STK11: variants seen among roughly 807,000 people sequenced by gnomAD.
The protein encoded by STK11 is serine/threonine kinase 11, also known as serine/threonine-protein kinase STK11.
Under a neutral mutation model 47.3 loss-of-function variants are expected in STK11, and 8 were observed. The ratio of observed to expected loss-of-function variants is 0.17; its 90% CI spans 0.10 to 0.31. The LOEUF (loss-of-function observed/expected upper bound fraction) is 0.31. Among genes scored for constraint, STK11 ranks in the 10% least tolerant of loss-of-function variants. The probability of loss-of-function intolerance (pLI) is 1.00; values close to 1 mark genes in which losing one functional copy is unlikely to be tolerated. For synonymous variants in STK11, 330 were observed against 255.8 expected, an observed-to-expected ratio of 1.29 and a Z score of -2.77; for missense variants, 475 against 605.0, an observed-to-expected ratio of 0.79 and a Z score of 2.25.
chr19:1,220,982 G>A (rs2080779452), intron 5 of STK11, among the ~76,000 whole-genome samples: 1 of 152,186 alleles, frequency 6.6e-6, no homozygotes, highest in South Asian at 2.1e-4. Flanking sequence ...AGGGAAGCTG[G>A]GCGGGTGACA....
chr19:1,226,119 C>G, intron 8 of STK11: 1 of 1,152,126 alleles, frequency 8.7e-7, no homozygotes, highest in Non-Finnish European at 1.1e-6. Flanking sequence ...CAGGGGAGCA[C>G]GGGAGGGTCC....
chr19:1,221,831 C>T, intron 6 of STK11, 118 bp from the exon 7 acceptor site: 1 of 1,247,066 alleles, frequency 8.0e-7, no homozygotes, highest in South Asian at 1.3e-5. Flanking sequence ...GCGGGGTCCC[C>T]CTTAGGAGCG....
intron 1 of STK11, among the ~76,000 whole-genome samples, chr19:1,216,626 C>G (rs199680460): frequency 4.6e-5 from 7 of 151,528 alleles, no homozygotes; most frequent in Admixed American, 4.6e-4. Flanking sequence ...CAGCGTTTTC[C>G]GAGGCCGAGG....
intron 1 of STK11, among the ~76,000 whole-genome samples, chr19:1,216,974 G>T (rs2080748977): frequency 6.6e-6 from 1 of 152,038 alleles, no homozygotes; most frequent in Non-Finnish European, 1.5e-5. Flanking sequence ...GCGTGGATGG[G>T]CTGTGCTGAT....
chr19:1,213,241 C>T (rs1450196321), intron 1 of STK11, among the ~76,000 whole-genome samples: 2 of 150,604 alleles, frequency 1.3e-5, no homozygotes, highest in African/African-American at 4.9e-5. Flanking sequence ...TCGTGATCTG[C>T]CTGCCTCGGC....
chr19:1,212,892 C>T (rs903559368), intron 1 of STK11, among the ~76,000 whole-genome samples: 3 of 151,770 alleles, frequency 2.0e-5, no homozygotes, highest in African/African-American at 7.3e-5. Context: ...CTGTGTTGCC[C>T]AGGCTGGTCT....
At chr19:1,217,162 C>T (rs1274415279) in intron 1 of STK11, among the ~76,000 whole-genome samples, 1 of 152,070 alleles carries the variant, frequency 6.6e-6, no homozygotes, top group Non-Finnish European at 1.5e-5. Context: ...CAGACGCTTC[C>T]ACGCCCACCC....
In STK11 at chr19:1,206,581, G is replaced by T. The variant is rs1208293548; in HGVS notation, c.-333G>T. ...GAAAAGCCCCGGCCGGCCTCCCCAG[G>T]GTCCCCGAGGACGAAGTTGACCCTG... On this transcript the variant is annotated 5_prime_UTR_variant, in exon 1 of 10. Coordinates refer to ENST00000326873, the MANE Select transcript of STK11 (RefSeq NM_000455.5). The T allele has an allele frequency of 2.4e-5, 10 of 421,256 alleles. No individual in the cohort carries two copies. The highest frequency in any genetic ancestry group is 2.0e-4 in the East Asian group (5 of 25,376). 26.1% of individuals were successfully genotyped at this position (421,256 alleles called of 1,614,324 possible).
At chr19:1,217,503 G>A (rs1009710193) in intron 1 of STK11, among the ~76,000 whole-genome samples, 27 of 152,186 alleles carry the variant, frequency 1.8e-4, no homozygotes, top group Non-Finnish European at 3.5e-4. Context: ...GGCGGCAGCT[G>A]CAGAGGGGGC....
chr19:1,217,501 C>T (rs1189618772), intron 1 of STK11, among the ~76,000 whole-genome samples: 3 of 152,316 alleles, frequency 2.0e-5, no homozygotes, highest in Non-Finnish European at 4.4e-5. Flanking sequence ...AGGGCGGCAG[C>T]TGCAGAGGGG....
At chr19:1,207,474 C>T (rs1350444109) in intron 1 of STK11, among the ~76,000 whole-genome samples, 3 of 152,178 alleles carry the variant, frequency 2.0e-5, no homozygotes, top group Non-Finnish European at 2.9e-5. Flanking sequence ...GCGAAACCCT[C>T]CTGAGAAGGG....
chr19:1,222,676 G>GC (rs969613117), intron 7 of STK11, among the ~76,000 whole-genome samples: 1 of 152,190 alleles, frequency 6.6e-6, no homozygotes, highest in Admixed American at 6.5e-5. Context: ...TGTGCTCAGG[G>GC]CCCCCCAGAC....
In STK11 at chr19:1,206,166, T is replaced by G. The variant is rs2080663069; in HGVS notation, c.-748T>G. 1.3e-5 allele frequency: 2 copies of G among 151,066 alleles called. No individual in the cohort carries two copies. The highest frequency in any genetic ancestry group is 2.5e-5 in the African/African-American group (1 of 40,564). The allele number at this position is 151,066 out of a possible 1,614,324, so 9.4% of individuals were successfully genotyped here. On this transcript the variant is annotated 5_prime_UTR_variant, in exon 1 of 10. Transcript: ENST00000326873. Reference sequence around the variant, plus strand: ...GCCTGCCGGGCCCCGGCGACCACCTTGGGGGTCGCGGGCCGGCTCGGGGGG... The same window carrying G: ...GCCTGCCGGGCCCCGGCGACCACCTGGGGGGTCGCGGGCCGGCTCGGGGGG...
intron 8 of STK11, chr19:1,226,185 G>T: frequency 7.6e-7 from 1 of 1,322,410 alleles, no homozygotes; most frequent in Non-Finnish European, 9.7e-7. Context: ...ACCTGGGTGG[G>T]GTCCCACCTG....
chr19:1,208,282 TCAGGGGCC>T (rs1161511835), intron 1 of STK11, among the ~76,000 whole-genome samples: 1 of 150,462 alleles, frequency 6.6e-6, no homozygotes, highest in East Asian at 2.0e-4. Flanking sequence ...TCTCTCCTGC[TCAGGGGCC>T]CTGGGGCTCA....
At chr19:1,209,088 T>G (rs541769752) in intron 1 of STK11, among the ~76,000 whole-genome samples, 1 of 151,896 alleles carries the variant, frequency 6.6e-6, no homozygotes, top group Non-Finnish European at 1.5e-5. Flanking sequence ...TGGACCCGGG[T>G]AGAAGGTGTG....
At chr19:1,212,312 C>A (rs1047842028) in intron 1 of STK11, among the ~76,000 whole-genome samples, 2 of 114,280 alleles carry the variant, frequency 1.8e-5, no homozygotes, top group Admixed American at 2.5e-4. Context: ...GAGACAGGGT[C>A]TCACTGTATC....
chr19:1,227,947 C>G lies in STK11; in HGVS notation c.*371C>G, dbSNP rs554638416. 5.9e-5 allele frequency: 63 copies of G among 1,070,542 alleles called. No homozygotes were observed. Among genetic ancestry groups the G allele is most frequent in the Non-Finnish European group, 7.1e-5 (63 of 882,454 alleles). The allele number at this position is 1,070,542 out of a possible 1,614,324, so 66.3% of individuals were successfully genotyped here. On this transcript the variant is annotated 3_prime_UTR_variant, in exon 10 of 10. Coordinates refer to ENST00000326873, the MANE Select transcript of STK11 (RefSeq NM_000455.5). ...CGCCGTCCGGCGGCCCCGCCGCAGA[C>G]CAGCTGGCGGGTGTGGAGACCAGGC...
At chr19:1,209,607 T>C (rs2080695372) in intron 1 of STK11, among the ~76,000 whole-genome samples, 1 of 151,514 alleles carries the variant, frequency 6.6e-6, no homozygotes, top group Admixed American at 6.6e-5. Context: ...AATAAATAAA[T>C]AAATAAATAA....
Sources: allele counts gnomAD v4.1 joint callset (sites outside exome capture counted in the v4.1 genomes callset), GRCh38; gene constraint gnomAD v4.1.1; transcripts MANE v1.5; gene names NCBI Gene and HGNC (gene_info 2026-07-23, HGNC 2026-07-21).